Variants in RNF144A observed in about 807,000 individuals in gnomAD.
RNF144A encodes the protein E3 ubiquitin-protein ligase RNF144A.
RNF144A carries 11 observed loss-of-function variants against 38.7 expected under a neutral mutation model. The ratio of observed to expected loss-of-function variants is 0.28; its 90% confidence interval spans 0.18 to 0.47. The LOEUF is 0.47. Ranked by LOEUF, RNF144A falls within the 20% of genes least tolerant of loss-of-function variation. The pLI is 0.99. For synonymous variants in RNF144A, 149 were observed against 143.9 expected (o/e 1.04, Z -0.25); for missense variants, 316 against 377.2 (o/e 0.84, Z 1.34).
chr2:6,952,560 C>G (rs1173754142), intron 2 of RNF144A, among the ~76,000 whole-genome samples: 2 of 150,510 alleles, frequency 1.3e-5, no homozygotes, highest in Non-Finnish European at 3.0e-5. Context: ...TATTTGCACT[C>G]ATTTCTTCTT....
intron 8 of RNF144A, 82 bp from the exon 9 acceptor site, chr2:7,039,547 G>C: frequency 1.3e-6 from 2 of 1,556,282 alleles, no homozygotes; most frequent in Non-Finnish European, 1.7e-6. Context: ...TGGATGGGTA[G>C]CTGGTTGTGT....
intron 1 of RNF144A, among the ~76,000 whole-genome samples, chr2:6,937,570 T>C (rs1242357999): frequency 6.6e-6 from 1 of 152,254 alleles, no homozygotes; most frequent in Non-Finnish European, 1.5e-5. Flanking sequence ...GAAGCTGTAG[T>C]AAAAGACACT....
At position 6,990,195 on chromosome 2, in the gene RNF144A, G is replaced by A. The variant is rs189011787; in HGVS notation, c.-11-6721G>A. Among the ~76,000 whole-genome samples, 249 of 152,134 alleles carry A rather than the reference G, an allele frequency of 1.6e-3. 1 individual carries two copies. The highest frequency in any genetic ancestry group is 5.7e-3 in the African/African-American group (237 of 41,490). On this transcript the variant is annotated intron_variant, in intron 2 of 8. Transcript: ENST00000320892. ...GAGAGGAGGGTGCCAGCGTGCTTGA[G>A]TTCTGGTGAGGACATCCCCCTGGCT...
chr2:6,921,116 A>AT (rs1390883390), intron 1 of RNF144A, among the ~76,000 whole-genome samples: 1 of 152,164 alleles, frequency 6.6e-6, no homozygotes, highest in South Asian at 2.1e-4. Context: ...AGAAGAGTGG[A>AT]TTTTTTCCAA....
intron 8 of RNF144A, among the ~76,000 whole-genome samples, chr2:7,035,251 G>A (rs927620330): frequency 2.0e-5 from 3 of 151,992 alleles, no homozygotes; most frequent in Non-Finnish European, 2.9e-5. Flanking sequence ...CTCCCGTTAC[G>A]TGTCTCTAAA....
chr2:7,070,103 A>C (rs1221699923), downstream of RNF144A, among the ~76,000 whole-genome samples: 1 of 152,208 alleles, frequency 6.6e-6, no homozygotes, highest in East Asian at 1.9e-4. Context: ...GACTTCTAGA[A>C]AAATAAAACT....
intron 2 of RNF144A, among the ~76,000 whole-genome samples, chr2:6,992,350 G>A (rs1572354840): frequency 1.3e-5 from 2 of 152,196 alleles, no homozygotes; most frequent in East Asian, 3.8e-4. Context: ...TGCTGATGCT[G>A]GTGTTTAGAG....
intron 3 of RNF144A, among the ~76,000 whole-genome samples, chr2:7,003,848 C>T (rs1249436395): frequency 6.6e-6 from 1 of 152,226 alleles, no homozygotes; most frequent in East Asian, 1.9e-4. Context: ...CATGCATTTT[C>T]TTATGATCCC....
chr2:7,015,734 A>G (rs955642896), intron 5 of RNF144A, among the ~76,000 whole-genome samples: 1 of 152,150 alleles, frequency 6.6e-6, no homozygotes, highest in Non-Finnish European at 1.5e-5. Flanking sequence ...TGTGCAGGCG[A>G]CACTCCATAT....
intron 2 of RNF144A, among the ~76,000 whole-genome samples, chr2:6,963,096 A>T (rs1489839369): frequency 6.6e-6 from 1 of 152,256 alleles, no homozygotes; most frequent in Non-Finnish European, 1.5e-5. Flanking sequence ...ATTGGAGGAC[A>T]TCTTTTCTGA....
intron 2 of RNF144A, among the ~76,000 whole-genome samples, chr2:6,965,855 T>G (rs919731645): frequency 2.0e-5 from 3 of 152,136 alleles, no homozygotes; most frequent in African/African-American, 7.2e-5. Flanking sequence ...GGGTTTTCAC[T>G]TATTAAGCTT....
chr2:7,008,876 C>T (rs1475176200), intron 3 of RNF144A, among the ~76,000 whole-genome samples: 1 of 152,252 alleles, frequency 6.6e-6, no homozygotes, highest in Non-Finnish European at 1.5e-5. Flanking sequence ...AGCAGGTGCT[C>T]AGTGCTAGCT....
chr2:7,056,786 C>T (rs1673757846), intron 6 of RNF144A, among the ~76,000 whole-genome samples: 1 of 152,216 alleles, frequency 6.6e-6, no homozygotes, highest in South Asian at 2.1e-4. Context: ...CTTCTCTTGC[C>T]TCAATACCTA....
chr2:6,998,366 G>A (rs1457431522), intron 3 of RNF144A, among the ~76,000 whole-genome samples: 1 of 152,178 alleles, frequency 6.6e-6, no homozygotes, highest in African/African-American at 2.4e-5. Context: ...GATGTCCTTG[G>A]TATGTAGGCA....
intron 6 of RNF144A, among the ~76,000 whole-genome samples, chr2:7,058,756 T>C (rs1439664339): frequency 3.9e-5 from 6 of 152,264 alleles, no homozygotes; most frequent in African/African-American, 1.4e-4. Flanking sequence ...TTGCAGTTGG[T>C]AGACATATAT....
At chr2:6,981,234 A>C (rs1211327357) in intron 2 of RNF144A, among the ~76,000 whole-genome samples, 2 of 152,168 alleles carry the variant, frequency 1.3e-5, no homozygotes, top group Non-Finnish European at 2.9e-5. Context: ...CTTGTTATTT[A>C]TGCAAATTTC....
chr2:7,071,715 G>T (rs752302127), downstream of RNF144A, among the ~76,000 whole-genome samples: 3 of 152,204 alleles, frequency 2.0e-5, no homozygotes, highest in Non-Finnish European at 1.5e-5. Flanking sequence ...TGATAGTGTT[G>T]TATGTCAATG....
intron 2 of RNF144A, 131 bp from the exon 3 acceptor site, chr2:6,996,785 A>ATGCT: frequency 1.2e-6 from 1 of 862,338 alleles, no homozygotes; most frequent in Non-Finnish European, 1.8e-6. Flanking sequence ...GAACATCCAG[A>ATGCT]TGCTCTAGGC....
intron 2 of RNF144A, among the ~76,000 whole-genome samples, chr2:6,946,584 G>A (rs1268614543): frequency 2.0e-5 from 3 of 151,928 alleles, no homozygotes; most frequent in Non-Finnish European, 1.5e-5. Context: ...TTAAAAATAA[G>A]GTGAAACCTC....
Sources: gnomAD v4.1 joint callset for allele counts (sites outside exome capture counted in the v4.1 genomes callset) on GRCh38, gnomAD v4.1.1 for gene constraint, MANE v1.5 for transcripts, NCBI Gene and HGNC (gene_info 2026-07-23, HGNC 2026-07-21) for gene names.